Variants in IL1RAPL2 observed in about 807,000 individuals in gnomAD.
IL1RAPL2 encodes X-linked interleukin-1 receptor accessory protein-like 2.
In IL1RAPL2, 3 loss-of-function variants were observed where a neutral mutation model predicts 44.1. The ratio of observed to expected loss-of-function variants is 0.07; its 90% CI spans 0.03 to 0.18. The LOEUF (loss-of-function observed/expected upper bound fraction) is 0.18, where lower values mean the gene tolerates loss of function less well. Among genes scored for constraint, IL1RAPL2 ranks in the 10% least tolerant of loss-of-function variants. The probability of loss-of-function intolerance (pLI) is 1.00; values close to 1 mark genes in which losing one functional copy is unlikely to be tolerated. For synonymous variants in IL1RAPL2, 181 were observed against 178.8 expected, an observed-to-expected ratio of 1.01 and a Z score of -0.10; for missense variants, 391 against 496.4, an observed-to-expected ratio of 0.79 and a Z score of 2.02.
chrX:105,276,579 A>G (rs1373616987), intron 5 of IL1RAPL2, among the ~76,000 whole-genome samples: 1 of 112,140 alleles, frequency 8.9e-6, no homozygotes, highest in African/African-American at 3.2e-5. Flanking sequence ...TTGAGAATCC[A>G]ATATTACTAG....
At chrX:105,594,904 G>A (rs1251678874) in intron 6 of IL1RAPL2, among the ~76,000 whole-genome samples, 6 of 111,296 alleles carry the variant, frequency 5.4e-5, no homozygotes, top group Non-Finnish European at 9.4e-5. Flanking sequence ...AGAAGGTGGG[G>A]AGTATGGGCT....
intron 2 of IL1RAPL2, among the ~76,000 whole-genome samples, chrX:105,095,424 A>G (rs1013817260): frequency 8.9e-6 from 1 of 111,791 alleles, no homozygotes; most frequent in East Asian, 2.8e-4. Context: ...TATTGAGGTG[A>G]TCATATTTTT....
In IL1RAPL2 at chrX:104,927,294, A is replaced by G. The variant is rs1238621602; in HGVS notation, c.83-268181A>G. On this transcript the variant is annotated intron_variant, in intron 2 of 10. Transcript: ENST00000372582. ...TCCATGAAGTCTTTCCTGATAACACAACAACCTCCAGTGGTATCTTTTTTT... is the reference window on the plus strand; with the variant it reads ...TCCATGAAGTCTTTCCTGATAACACGACAACCTCCAGTGGTATCTTTTTTT... 7.2e-5 allele frequency among the ~76,000 whole-genome samples: 8 copies of G among 111,492 alleles called. No individual in the cohort carries two copies. The South Asian group carries it at 1.5e-3, about 21-fold the overall frequency.
At chrX:104,831,999 T>A (rs1921622608) in intron 2 of IL1RAPL2, among the ~76,000 whole-genome samples, 1 of 111,539 alleles carries the variant, frequency 9.0e-6, no homozygotes, top group Non-Finnish European at 1.9e-5. Flanking sequence ...AAGCAGTTTT[T>A]AATTTTTTTT....
At chrX:105,153,536 C>T (rs1359557551) in intron 2 of IL1RAPL2, among the ~76,000 whole-genome samples, 1 of 111,824 alleles carries the variant, frequency 8.9e-6, no homozygotes, top group Non-Finnish European at 1.9e-5. Context: ...AAGTGAAGGA[C>T]CATGGCCCAT....
chrX:105,611,529 T>C (rs959096371), intron 6 of IL1RAPL2, among the ~76,000 whole-genome samples: 2 of 111,931 alleles, frequency 1.8e-5, no homozygotes, highest in African/African-American at 6.5e-5. Context: ...TATATACAAA[T>C]ATTTGCAATT....
At chrX:105,290,662 A>C (rs927147) in intron 5 of IL1RAPL2, among the ~76,000 whole-genome samples, 1 of 111,412 alleles carries the variant, frequency 9.0e-6, no homozygotes, top group Non-Finnish European at 1.9e-5. Context: ...GGAGTGAAGC[A>C]AATAACTTCT....
At chrX:104,676,723 A>C (rs749040486) in intron 2 of IL1RAPL2, among the ~76,000 whole-genome samples, 5 of 112,034 alleles carry the variant, frequency 4.5e-5, no homozygotes, top group African/African-American at 1.6e-4. Context: ...TCTCCCCGTC[A>C]CTTTCAGATA....
chrX:105,734,721 G>C (rs1450252414), intron 7 of IL1RAPL2, among the ~76,000 whole-genome samples: 1 of 111,529 alleles, frequency 9.0e-6, no homozygotes, highest in East Asian at 2.9e-4. Context: ...GGAGGACAAA[G>C]TGCTCTGGGC....
intron 7 of IL1RAPL2, among the ~76,000 whole-genome samples, chrX:105,731,568 C>A (rs1490642870): frequency 9.0e-6 from 1 of 110,808 alleles, no homozygotes; most frequent in Non-Finnish European, 1.9e-5. Context: ...ACCTAAGTGT[C>A]CATCAATGGG....
At chrX:105,302,414 A>T (rs1285352112) in intron 5 of IL1RAPL2, among the ~76,000 whole-genome samples, 1 of 111,675 alleles carries the variant, frequency 9.0e-6, no homozygotes, top group East Asian at 2.8e-4. Flanking sequence ...TGCCTGGCTA[A>T]CACTGCTGAT....
intron 4 of IL1RAPL2, among the ~76,000 whole-genome samples, chrX:105,257,179 T>C (rs748255268): frequency 3.6e-5 from 4 of 112,320 alleles, no homozygotes; most frequent in African/African-American, 1.3e-4. Context: ...AATTTCTGCC[T>C]TTATTTCATA....
chrX:105,164,564 A>G (rs1418396286), intron 2 of IL1RAPL2, among the ~76,000 whole-genome samples: 1 of 112,575 alleles, frequency 8.9e-6, no homozygotes, highest in East Asian at 2.8e-4. Context: ...GGGCAAGAAC[A>G]AGAGCTCTCT....
At chrX:105,038,225 C>A (rs2031663251) in intron 2 of IL1RAPL2, among the ~76,000 whole-genome samples, 1 of 110,460 alleles carries the variant, frequency 9.1e-6, no homozygotes, top group African/African-American at 3.3e-5. Flanking sequence ...TAGAGTTCAC[C>A]AATGACCATC....
Position 104,614,200 on chromosome X carries a change from G to A in IL1RAPL2, c.-19-44695G>A, listed in dbSNP as rs142815107. Among the ~76,000 whole-genome samples the A allele has an allele frequency of 3.5e-3, 389 of 110,637 alleles. 4 individuals are homozygous for A. The highest frequency in any genetic ancestry group is 0.028 in the Middle Eastern group (6 of 216). On this transcript the variant is annotated intron_variant, in intron 1 of 10. Transcript: ENST00000372582. ...TTTACATCTCAATTTCCTTCAGTTCGTCTCTGGTTTTACTTATTTTCTGCT... is the reference window on the plus strand; with the variant it reads ...TTTACATCTCAATTTCCTTCAGTTCATCTCTGGTTTTACTTATTTTCTGCT...
chrX:104,958,926 C>T (rs771948321), intron 2 of IL1RAPL2, among the ~76,000 whole-genome samples: 17 of 110,238 alleles, frequency 1.5e-4, no homozygotes, highest in Non-Finnish European at 2.1e-4. Flanking sequence ...ATCATCACTA[C>T]GATACATATC....
chrX:104,676,866 A>G (rs1270046778), intron 2 of IL1RAPL2, among the ~76,000 whole-genome samples: 1 of 111,457 alleles, frequency 9.0e-6, no homozygotes, highest in Non-Finnish European at 1.9e-5. Flanking sequence ...TCCATCGCTG[A>G]TACCCTTTCT....
At chrX:105,760,403 GAGA>G (rs2038677218) in intron 10 of IL1RAPL2, among the ~76,000 whole-genome samples, 1 of 112,089 alleles carries the variant, frequency 8.9e-6, no homozygotes, top group Non-Finnish European at 1.9e-5. Flanking sequence ...CTTCAGAAGA[GAGA>G]AAGAAAGAGG....
At chrX:105,023,844 C>T (rs1193698288) in intron 2 of IL1RAPL2, among the ~76,000 whole-genome samples, 6 of 111,149 alleles carry the variant, frequency 5.4e-5, no homozygotes, top group African/African-American at 9.8e-5. Flanking sequence ...TTACTCTTAT[C>T]GGGGCAGGTG....
Sources: allele counts gnomAD v4.1 joint callset (sites outside exome capture counted in the v4.1 genomes callset), GRCh38; gene constraint gnomAD v4.1.1; transcripts MANE v1.5; gene names NCBI Gene and HGNC (gene_info 2026-07-23, HGNC 2026-07-21).